ZNF780B: variants seen among roughly 807,000 people sequenced by gnomAD.
ZNF780B encodes the protein zinc finger protein 779.
In ZNF780B, 52 loss-of-function variants were observed where a neutral mutation model predicts 74.1. The observed-to-expected ratio is 0.70, with a 90% CI of 0.56 to 0.88. The LOEUF is 0.88. ZNF780B is among the 40% of genes least tolerant of loss of function. The pLI, the probability that ZNF780B is intolerant of heterozygous loss-of-function variation, is 0.00. For missense variants in ZNF780B, 953 were observed against 1,007.6 expected, an observed-to-expected ratio of 0.95 and a Z score of 0.73; for synonymous variants, 315 against 324.3, an observed-to-expected ratio of 0.97 and a Z score of 0.31.
Position 40,028,603 on chromosome 19 carries a change from T to G in ZNF780B, c.*5754A>C, listed in dbSNP as rs1237825448. On this transcript the variant is annotated 3_prime_UTR_variant, in exon 5 of 5. Coordinates refer to ENST00000434248, the MANE Select transcript of ZNF780B (RefSeq NM_001005851.3). The stretch of plus-strand genomic sequence containing the variant: ...ACAATCTAGTTGTAGCGTTTAAGAT[T>G]AAATTTGGTTGTGAGTAAAATAGTA... 6.6e-6 allele frequency: 1 copy of G among 152,240 alleles called. No homozygotes were observed. The highest frequency in any genetic ancestry group is 1.5e-5 in the Non-Finnish European group (1 of 68,032). The allele number at this position is 152,240 out of a possible 1,614,324, so 9.4% of individuals were successfully genotyped here.
At chr19:40,053,919 G>A (rs1024884532) in intron 1 of ZNF780B, among the ~76,000 whole-genome samples, 7 of 152,230 alleles carry the variant, frequency 4.6e-5, no homozygotes, top group South Asian at 2.1e-4. Context: ...GGCGAAGGCC[G>A]AGGCAGGCGG....
In ZNF780B at chr19:40,029,262, A is replaced by C. The variant is rs1971949045; in HGVS notation, c.*5095T>G. 1 of 152,436 alleles carries C rather than the reference A, an allele frequency of 6.6e-6. No homozygotes were observed. Among genetic ancestry groups the C allele is most frequent in the Non-Finnish European group, 1.5e-5 (1 of 68,182 alleles). 9.4% of individuals were successfully genotyped at this position (152,436 alleles called of 1,614,324 possible). ...AAAGGATGACAGAAATCTTGTGTCTACTTTTTCTTCTTTTCTGGGGAGTCT... is the reference window on the plus strand; with the variant it reads ...AAAGGATGACAGAAATCTTGTGTCTCCTTTTTCTTCTTTTCTGGGGAGTCT... On this transcript the variant is annotated 3_prime_UTR_variant, in exon 5 of 5. Coordinates refer to ENST00000434248, the MANE Select transcript of ZNF780B (RefSeq NM_001005851.3).
At position 40,034,647 on chromosome 19, in the gene ZNF780B, T is replaced by A. The variant is rs1414287588; in HGVS notation, c.2212A>T (p.Thr738Ser). ...KECGKAFGLL[T>S]QLAQHQIIHT... ...ATGATCTGATGTTGAGCAAGCTGTG[T>A]CAGAAGACCAAAGGCCTTTCCGCAT... The change falls in exon 5 of 5, where the codon ACA becomes TCA. Residue 738 changes from threonine (T) to serine (S), a missense_variant. Transcript: ENST00000434248. The A allele has an allele frequency of 6.2e-7, 1 of 1,613,520 alleles. No individual in the cohort carries two copies. The highest frequency in any genetic ancestry group is 8.5e-7 in the Non-Finnish European group (1 of 1,179,872).
In ZNF780B at chr19:40,050,389, C is replaced by A; in HGVS notation, c.-45-12G>T. The A allele has an allele frequency of 6.4e-7, 1 of 1,573,314 alleles. No individual in the cohort carries two copies. ...CTCGGGCTTCTCCCCTGGAAAACAA[C>A]AACAACAAAAAGGCCCTAAGTCAAG... is the stretch of plus-strand genomic sequence containing the variant. On this transcript the variant is annotated splice_polypyrimidine_tract_variant and intron_variant, in intron 1 of 4. Coordinates refer to ENST00000434248, the MANE Select transcript of ZNF780B (RefSeq NM_001005851.3).
At chr19:40,044,621 G>C (rs1456383523) in intron 4 of ZNF780B, among the ~76,000 whole-genome samples, 3 of 152,172 alleles carry the variant, frequency 2.0e-5, no homozygotes, top group Non-Finnish European at 4.4e-5. Flanking sequence ...ATATGTTCAA[G>C]AGTCCTACAC....
intron 4 of ZNF780B, among the ~76,000 whole-genome samples, chr19:40,043,268 G>A (rs894291514): frequency 4.6e-5 from 7 of 152,154 alleles, no homozygotes; most frequent in Admixed American, 2.6e-4. Context: ...CTGCCTGATC[G>A]TTCCTCTGGA....
rs956492406 is a variant in ZNF780B at position 40,028,713 on chromosome 19, C to T, written c.*5644G>A. ...TATGGATGTAAGCCTGATACTGTGG[C>T]CTTGCTCTAAACCAATCATGAATTT... On this transcript the variant is annotated 3_prime_UTR_variant, in exon 5 of 5. Transcript: ENST00000434248. 3 of 152,060 alleles carry T rather than the reference C, an allele frequency of 2.0e-5. No homozygotes were observed. The highest frequency in any genetic ancestry group is 4.4e-5 in the Non-Finnish European group (3 of 68,002). 9.4% of individuals were successfully genotyped at this position (152,060 alleles called of 1,614,324 possible).
At chr19:40,054,740 C>A (rs1459274143) in intron 1 of ZNF780B, among the ~76,000 whole-genome samples, 1 of 152,168 alleles carries the variant, frequency 6.6e-6, no homozygotes, top group Non-Finnish European at 1.5e-5. Context: ...AGTATTAATT[C>A]ATTCTAATGT....
chr19:40,052,782 A>G (rs1007628), intron 1 of ZNF780B, among the ~76,000 whole-genome samples: 12,481 of 152,180 alleles, frequency 0.082, 857 homozygotes, highest in East Asian at 0.18. Context: ...GAATAAATCC[A>G]TATGTTTACA....
intron 1 of ZNF780B, among the ~76,000 whole-genome samples, chr19:40,055,211 A>G (rs1192115336): frequency 6.6e-6 from 1 of 152,010 alleles, no homozygotes; most frequent in Non-Finnish European, 1.5e-5. Context: ...GGAAGGTGTG[A>G]ACGATTTGCC....
At chr19:40,050,568 T>C (rs761386943) in intron 1 of ZNF780B, among the ~76,000 whole-genome samples, 191 bp from the exon 2 acceptor site, 1 of 152,026 alleles carries the variant, frequency 6.6e-6, no homozygotes, top group Non-Finnish European at 1.5e-5. Flanking sequence ...ACAGGTGGAG[T>C]GTGGATGAAA....
intron 4 of ZNF780B, among the ~76,000 whole-genome samples, chr19:40,037,218 A>AT (rs562892051): frequency 0.079 from 10,401 of 131,810 alleles, 1,089 homozygotes; most frequent in African/African-American, 0.24. Flanking sequence ...CCTGGCCTCT[A>AT]TTTTTTTTTT....
chr19:40,048,764 G>T lies in ZNF780B; in HGVS notation c.42C>A (p.Asp14Glu), dbSNP rs1973065136. ...GGCACTCCCACTCCTCCTGAGAGAA[G>T]TCAATGGCCACATCCCTGAATGTCA... ...GSVTFRDVAI[D>E]FSQEEWECLQ... is the part of the protein sequence containing the mutation. The change falls in exon 3 of 5, where the codon GAC becomes GAA. Residue 14 changes from aspartate to glutamate, a missense_variant. Physicochemically the swap from Asp to Glu is conservative, Grantham distance 45. Transcript: ENST00000434248. 6.2e-7 allele frequency: 1 copy of T among 1,614,180 alleles called. No individual in the cohort carries two copies. Among genetic ancestry groups the T allele is most frequent in the Non-Finnish European group, 8.5e-7 (1 of 1,180,018 alleles).
At chr19:40,042,624 C>T (rs1046889523) in intron 4 of ZNF780B, among the ~76,000 whole-genome samples, 6 of 152,172 alleles carry the variant, frequency 3.9e-5, no homozygotes, top group Non-Finnish European at 8.8e-5. Context: ...TTTCTCTAAA[C>T]TTCTCTTCTC....
chr19:40,041,093 C>A (rs1051303855), intron 4 of ZNF780B, among the ~76,000 whole-genome samples: 2 of 152,166 alleles, frequency 1.3e-5, no homozygotes, highest in Admixed American at 1.3e-4. Context: ...CCCAGAGATT[C>A]TGGTATGTTG....
At position 40,029,946 on chromosome 19, in the gene ZNF780B, A is replaced by C. The variant is rs1971961457; in HGVS notation, c.*4411T>G. On this transcript the variant is annotated 3_prime_UTR_variant, in exon 5 of 5. Transcript: ENST00000434248. ...AATTACTACAGGTGCTTCTCAACTTACGGGGAGTTATGTCCAAATAAACCC... is the reference window on the plus strand; with the variant it reads ...AATTACTACAGGTGCTTCTCAACTTCCGGGGAGTTATGTCCAAATAAACCC... 1 of 152,242 alleles carries C rather than the reference A, an allele frequency of 6.6e-6. No homozygotes were observed. Among genetic ancestry groups the C allele is most frequent in the Non-Finnish European group, 1.5e-5 (1 of 68,040 alleles). 9.4% of individuals were successfully genotyped at this position (152,242 alleles called of 1,614,324 possible). A position where few individuals can be genotyped will look rare whatever the true frequency, so the allele number is the denominator to read the frequency against.
At position 40,050,237 on chromosome 19, in the gene ZNF780B, C is replaced by T. The variant is rs997786520; in HGVS notation, c.9+87G>A. 5.8e-5 allele frequency: 48 copies of T among 831,720 alleles called. 1 individual carries two copies. The highest frequency in any genetic ancestry group is 2.8e-5 in the Admixed American group (1 of 35,958). 51.5% of individuals were successfully genotyped at this position (831,720 alleles called of 1,614,324 possible). ...AAAAAAAAAAAATCGTGGATCCTTACGTAAGAAGGTTCAGGTTTAATAATA... is the reference window on the plus strand; with the variant it reads ...AAAAAAAAAAAATCGTGGATCCTTATGTAAGAAGGTTCAGGTTTAATAATA... On this transcript the variant is annotated intron_variant, in intron 2 of 4. Transcript: ENST00000434248.
At chr19:40,045,550 C>T (rs1972895341) in intron 4 of ZNF780B, among the ~76,000 whole-genome samples, 1 of 152,048 alleles carries the variant, frequency 6.6e-6, no homozygotes, top group Non-Finnish European at 1.5e-5. Flanking sequence ...ATTCAAAATA[C>T]CAAAGGTATG....
chr19:40,047,929 A>G (rs1191763280), intron 3 of ZNF780B, among the ~76,000 whole-genome samples: 1 of 152,222 alleles, frequency 6.6e-6, no homozygotes, highest in Non-Finnish European at 1.5e-5. Flanking sequence ...AAAGTTAAAA[A>G]TTATTATGTT....
Sources: gnomAD v4.1 joint callset for allele counts (sites outside exome capture counted in the v4.1 genomes callset) on GRCh38, gnomAD v4.1.1 for gene constraint, MANE v1.5 for transcripts, NCBI Gene and HGNC (gene_info 2026-07-23, HGNC 2026-07-21) for gene names.